CSMD2: variants seen among roughly 807,000 people sequenced by gnomAD.
The protein encoded by CSMD2 is CUB and sushi domain-containing protein 2.
In CSMD2, 130 loss-of-function variants were observed where a neutral mutation model predicts 398.5. That is an observed-to-expected ratio of 0.33 (90% confidence interval 0.28 to 0.38). The LOEUF (loss-of-function observed/expected upper bound fraction) is 0.38. Ranked by LOEUF, CSMD2 falls within the 10% of genes least tolerant of loss-of-function variation. The pLI is 1.00. For missense variants in CSMD2, 3,829 were observed against 4,764.9 expected (o/e 0.80, Z 5.78); for synonymous variants, 1,828 against 1,908.5 (o/e 0.96, Z 1.10).
At chr1:33,632,023 G>A (rs981168274) in intron 32 of CSMD2, among the ~76,000 whole-genome samples, 8 of 152,010 alleles carry the variant, frequency 5.3e-5, no homozygotes, top group African/African-American at 1.9e-4. Flanking sequence ...TGGATAAAAA[G>A]TCTAAGAACA....
At chr1:33,724,486 ACTTTAGCG>A (rs764227365) in intron 18 of CSMD2, 22 bp downstream of exon 18, 1 of 1,604,256 alleles carries the variant, frequency 6.2e-7, no homozygotes. Flanking sequence ...GGAGTCTGCT[ACTTTAGCG>A]CCCCCTCATG....
At chr1:33,657,028 C>T (rs895812358) in intron 27 of CSMD2, among the ~76,000 whole-genome samples, 2 of 152,106 alleles carry the variant, frequency 1.3e-5, no homozygotes, top group Non-Finnish European at 2.9e-5. Context: ...CCTTTCTTTC[C>T]CATCCCAGCC....
intron 22 of CSMD2, among the ~76,000 whole-genome samples, chr1:33,704,997 T>A (rs1040657159): frequency 6.6e-6 from 1 of 152,036 alleles, no homozygotes; most frequent in African/African-American, 2.4e-5. Flanking sequence ...TGGTCTCATC[T>A]TTGTTTTAAT....
chr1:33,679,282 A>G (rs1451966317), intron 25 of CSMD2, among the ~76,000 whole-genome samples: 1 of 147,704 alleles, frequency 6.8e-6, no homozygotes, highest in Non-Finnish European at 1.5e-5. Flanking sequence ...GCTCACTGCA[A>G]TCTCCGCCCC....
chr1:33,667,313 A>C, intron 25 of CSMD2, among the ~76,000 whole-genome samples: 1 of 152,218 alleles, frequency 6.6e-6, no homozygotes, highest in East Asian at 1.9e-4. Flanking sequence ...ACGTGTTTCC[A>C]TAACAACCAC....
chr1:34,073,692 A>G (rs1655989909), intron 2 of CSMD2, among the ~76,000 whole-genome samples: 1 of 152,266 alleles, frequency 6.6e-6, no homozygotes, highest in African/African-American at 2.4e-5. Flanking sequence ...ATAAATCCAA[A>G]GCAATGAAAA....
intron 49 of CSMD2, among the ~76,000 whole-genome samples, chr1:33,576,949 C>CT (rs5773417): frequency 0.23 from 35,607 of 151,918 alleles, 4,782 homozygotes; most frequent in African/African-American, 0.36. Flanking sequence ...AACCCACTTG[C>CT]TCTATGAGCC....
In CSMD2 at chr1:33,567,866, A is replaced by G. The variant is rs760805163; in HGVS notation, c.8132-25T>C. Reference sequence around the variant, plus strand: ...GCTAGAGACAGGGATGGTGGGGAAAAGGACCAACTATCCCACAACTCATTA... The same window carrying G: ...GCTAGAGACAGGGATGGTGGGGAAAGGGACCAACTATCCCACAACTCATTA... On this transcript the variant is annotated intron_variant, in intron 52 of 70. Transcript: ENST00000373381. 3.9e-6 allele frequency: 6 copies of G among 1,550,370 alleles called. No individual in the cohort carries two copies. In the African/African-American group the frequency reaches 6.8e-5, roughly 18 times the overall value.
chr1:34,044,030 T>A (rs1652190732), intron 2 of CSMD2, among the ~76,000 whole-genome samples: 1 of 152,240 alleles, frequency 6.6e-6, no homozygotes, highest in Admixed American at 6.5e-5. Flanking sequence ...CGCCCCAGGA[T>A]GCACCTTTTC....
At chr1:33,881,901 A>T (rs1420643884) in intron 5 of CSMD2, among the ~76,000 whole-genome samples, 1 of 152,168 alleles carries the variant, frequency 6.6e-6, no homozygotes, top group Non-Finnish European at 1.5e-5. Context: ...TGAAATTATA[A>T]TTTTAATCCC....
intron 25 of CSMD2, among the ~76,000 whole-genome samples, chr1:33,676,089 G>C (rs577956952): frequency 1.2e-4 from 18 of 152,316 alleles, no homozygotes; most frequent in South Asian, 8.3e-4. Context: ...ATTCAACATA[G>C]TGTTGGAAGT....
intron 10 of CSMD2, among the ~76,000 whole-genome samples, chr1:33,808,172 T>C (rs1383435038): frequency 1.3e-5 from 2 of 152,028 alleles, no homozygotes; most frequent in Non-Finnish European, 2.9e-5. Context: ...AAATCCACCA[T>C]CATAATGGAA....
chr1:33,843,426 G>T (rs1426914765), intron 6 of CSMD2, among the ~76,000 whole-genome samples: 1 of 152,122 alleles, frequency 6.6e-6, no homozygotes, highest in Non-Finnish European at 1.5e-5. Flanking sequence ...GTTTATCTGG[G>T]AAAAAATCTC....
At chr1:33,990,816 T>C (rs1275642017) in intron 3 of CSMD2, among the ~76,000 whole-genome samples, 1 of 152,206 alleles carries the variant, frequency 6.6e-6, no homozygotes, top group Non-Finnish European at 1.5e-5. Context: ...TACCCTTTCC[T>C]GTCTCCTCCA....
At position 33,577,566 on chromosome 1, in the gene CSMD2, G is replaced by A. The variant is rs1379284047; in HGVS notation, c.7388-82C>T. 1.4e-5 allele frequency: 16 copies of A among 1,154,808 alleles called. No homozygotes were observed. The Admixed American group carries it at 2.2e-4, about 16-fold the overall frequency. 71.5% of individuals were successfully genotyped at this position (1,154,808 alleles called of 1,614,324 possible). ...TTTCATGCAGGCCCCTTTCCCTTTC[G>A]TCTCCCCCCCATCCCCTTGTCTTTG... On this transcript the variant is annotated intron_variant, in intron 48 of 70. Transcript: ENST00000373381.
At chr1:33,982,506 G>A (rs1646206958) in intron 3 of CSMD2, among the ~76,000 whole-genome samples, 2 of 152,158 alleles carry the variant, frequency 1.3e-5, no homozygotes, top group South Asian at 4.2e-4. Flanking sequence ...GAAGCTTCTT[G>A]GACTGGGAGT....
At chr1:33,780,033 G>A (rs544535806) in intron 12 of CSMD2, among the ~76,000 whole-genome samples, 1 of 152,274 alleles carries the variant, frequency 6.6e-6, no homozygotes, top group South Asian at 2.1e-4. Flanking sequence ...GAAGAGAGAA[G>A]AGGCCGGAGA....
chr1:33,705,776 G>A (rs55885968), intron 22 of CSMD2, among the ~76,000 whole-genome samples: 9,116 of 150,228 alleles, frequency 0.061, 304 homozygotes, highest in South Asian at 0.076. Context: ...TCACTTTGTC[G>A]CCCAGGCTGG....
At chr1:34,130,278 T>A (rs982970441) in intron 1 of CSMD2, among the ~76,000 whole-genome samples, 1 of 148,994 alleles carries the variant, frequency 6.7e-6, no homozygotes, top group Non-Finnish European at 1.5e-5. Flanking sequence ...TGTGGTCACC[T>A]CTGACAGTGC....
Sources: gnomAD v4.1 joint callset for allele counts (sites outside exome capture counted in the v4.1 genomes callset) on GRCh38, gnomAD v4.1.1 for gene constraint, MANE v1.5 for transcripts, NCBI Gene and HGNC (gene_info 2026-07-23, HGNC 2026-07-21) for gene names.